CATSPERE: variants seen among roughly 807,000 people sequenced by gnomAD.
The protein encoded by CATSPERE is cation channel sperm-associated auxiliary subunit epsilon.
In CATSPERE, 93 loss-of-function variants were observed where a neutral mutation model predicts 114.1. The observed-to-expected ratio is 0.81, with a 90% CI of 0.69 to 0.97. The LOEUF (loss-of-function observed/expected upper bound fraction) is 0.97, where lower values mean the gene tolerates loss of function less well. CATSPERE is among the 50% of genes least tolerant of loss of function. CATSPERE has a pLI of 0.00. For synonymous variants in CATSPERE, 341 were observed against 384.1 expected, an observed-to-expected ratio of 0.89 and a Z score of 1.31; for missense variants, 1,058 against 1,131.6, an observed-to-expected ratio of 0.93 and a Z score of 0.93.
intron 7 of CATSPERE, among the ~76,000 whole-genome samples, chr1:244,512,257 G>A (rs3003296): frequency 0.16 from 24,306 of 152,082 alleles, 2,153 homozygotes; most frequent in African/African-American, 0.22. Context: ...TTGTTTGACT[G>A]GGTTATTGCA....
chr1:244,507,546 G>C (rs1276705175), intron 7 of CATSPERE, among the ~76,000 whole-genome samples: 1 of 152,150 alleles, frequency 6.6e-6, no homozygotes, highest in African/African-American at 2.4e-5. Context: ...AGTCTTAGCT[G>C]TAAAATGTTT....
chr1:244,571,404 C>A (rs1664442123), intron 10 of CATSPERE, among the ~76,000 whole-genome samples: 1 of 152,276 alleles, frequency 6.6e-6, no homozygotes, highest in South Asian at 2.1e-4. Flanking sequence ...AATGTCATAT[C>A]TTGAAAGAAA....
intron 20 of CATSPERE, among the ~76,000 whole-genome samples, chr1:244,629,202 T>C (rs181531555): frequency 1.3e-5 from 2 of 152,296 alleles, no homozygotes; most frequent in African/African-American, 4.8e-5. Flanking sequence ...GCCACAGACA[T>C]ATCAAGCACC....
chr1:244,455,524 A>C (rs967953710), intron 1 of CATSPERE, among the ~76,000 whole-genome samples: 2 of 150,266 alleles, frequency 1.3e-5, no homozygotes, highest in Non-Finnish European at 3.0e-5. Flanking sequence ...TTTTTTAAAG[A>C]GCGCTATGGT....
chr1:244,505,619 G>A (rs2148303929), intron 7 of CATSPERE, among the ~76,000 whole-genome samples: 1 of 152,198 alleles, frequency 6.6e-6, no homozygotes, highest in East Asian at 1.9e-4. Context: ...CCCACCATCT[G>A]CCATCCATTT....
intron 7 of CATSPERE, among the ~76,000 whole-genome samples, chr1:244,505,740 C>G (rs1674717197): frequency 6.6e-6 from 1 of 152,182 alleles, no homozygotes; most frequent in African/African-American, 2.4e-5. Flanking sequence ...GGCGTGGTGG[C>G]TCATGCCTGT....
At chr1:244,508,081 TTAA>T (rs1272764994) in intron 7 of CATSPERE, among the ~76,000 whole-genome samples, 1 of 152,142 alleles carries the variant, frequency 6.6e-6, no homozygotes, top group Non-Finnish European at 1.5e-5. Flanking sequence ...TTTAACAATA[TTAA>T]TTGGTCTGAT....
chr1:244,556,221 T>A (rs982705476), intron 9 of CATSPERE, among the ~76,000 whole-genome samples: 12 of 151,946 alleles, frequency 7.9e-5, no homozygotes, highest in Admixed American at 7.9e-4. Context: ...TATATAAATT[T>A]AAGTGGATGT....
In CATSPERE at chr1:244,573,708, C is replaced by T. The variant is rs7547356; in HGVS notation, c.1950+936C>T. Among the ~76,000 whole-genome samples the T allele has an allele frequency of 0.2, 30,051 of 152,044 alleles. 4,463 individuals are homozygous for T. Among genetic ancestry groups the T allele is most frequent in the East Asian group, 0.41 (2,101 of 5,158 alleles). ...TGTTCCAAGACGGTGAGAGCAGAAG[C>T]CTAGGTTTGGCCACATATCCCTAAC... On this transcript the variant is annotated intron_variant, in intron 11 of 21. Transcript: ENST00000366534. The surrounding 1 kb of genome is among the most constrained non-coding windows in gnomAD (Gnocchi z 4.0).
At chr1:244,463,236 G>A (rs919734557) in intron 1 of CATSPERE, among the ~76,000 whole-genome samples, 1 of 151,982 alleles carries the variant, frequency 6.6e-6, no homozygotes, top group South Asian at 2.1e-4. Context: ...TTCTTCTTGT[G>A]CTTTTAAAGT....
At chr1:244,485,087 G>A (rs1670784060) in intron 5 of CATSPERE, among the ~76,000 whole-genome samples, 1 of 151,482 alleles carries the variant, frequency 6.6e-6, no homozygotes, top group Non-Finnish European at 1.5e-5. Flanking sequence ...TTTTACTATT[G>A]TATATTTCTT....
intron 5 of CATSPERE, among the ~76,000 whole-genome samples, chr1:244,489,621 A>C (rs1671642949): frequency 6.6e-6 from 1 of 151,794 alleles, no homozygotes; most frequent in Non-Finnish European, 1.5e-5. Flanking sequence ...TGCAGGAGTG[A>C]TGTAGGTTGC....
chr1:244,638,840 C>T (rs6676542), intron 21 of CATSPERE, among the ~76,000 whole-genome samples: 97,004 of 151,588 alleles, frequency 0.64, 31,664 homozygotes, highest in South Asian at 0.76. Context: ...TAGATATATC[C>T]GCTTCTCTCC....
At chr1:244,487,635 C>T (rs570703719) in intron 5 of CATSPERE, among the ~76,000 whole-genome samples, 1 of 152,234 alleles carries the variant, frequency 6.6e-6, no homozygotes, top group Admixed American at 6.5e-5. Flanking sequence ...CCCCGACAAT[C>T]CCCCAACACC....
chr1:244,465,394 G>A (rs532236795), intron 2 of CATSPERE, among the ~76,000 whole-genome samples: 2 of 152,094 alleles, frequency 1.3e-5, no homozygotes, highest in Non-Finnish European at 2.9e-5. Context: ...TATAATTTTA[G>A]TTTATATTTC....
chr1:244,496,684 A>G (rs374416268), intron 6 of CATSPERE, among the ~76,000 whole-genome samples: 210 of 152,336 alleles, frequency 1.4e-3, no homozygotes, highest in African/African-American at 4.8e-3. Context: ...TATAAATGCA[A>G]TGCCATCTTA....
chr1:244,497,416 A>G (rs1216372085), intron 6 of CATSPERE, among the ~76,000 whole-genome samples: 2 of 152,204 alleles, frequency 1.3e-5, no homozygotes, highest in African/African-American at 2.4e-5. Flanking sequence ...CAAAAAAAAA[A>G]TGAGCGAATG....
At chr1:244,585,992 CCT>C in intron 13 of CATSPERE, among the ~76,000 whole-genome samples, 1 of 152,252 alleles carries the variant, frequency 6.6e-6, no homozygotes, top group East Asian at 1.9e-4. Context: ...CTTTAGAATC[CCT>C]GTCTCAGGTC....
chr1:244,486,438 G>C (rs758781875), intron 5 of CATSPERE, among the ~76,000 whole-genome samples: 4 of 151,480 alleles, frequency 2.6e-5, no homozygotes, highest in Non-Finnish European at 5.9e-5. Flanking sequence ...TGGAATACTC[G>C]TGGGCCAGGT....
Sources: allele counts gnomAD v4.1 joint callset (sites outside exome capture counted in the v4.1 genomes callset), GRCh38; gene constraint gnomAD v4.1.1; non-coding constraint Gnocchi (gnomAD v3.1); transcripts MANE v1.5; gene names NCBI Gene and HGNC (gene_info 2026-07-23, HGNC 2026-07-21).